RTN4: variants seen among roughly 807,000 people sequenced by gnomAD.
RTN4 encodes the protein reticulon-4.
In RTN4, 32 loss-of-function variants were observed where a neutral mutation model predicts 90.4. The observed-to-expected ratio is 0.35, with a 90% confidence interval of 0.27 to 0.48. RTN4 has a LOEUF of 0.48. RTN4 is among the 20% of genes least tolerant of loss of function. The pLI is 0.99. For missense variants in RTN4, 1,706 were observed against 1,430.2 expected (o/e 1.19, Z -3.11); for synonymous variants, 629 against 552.5 (o/e 1.14, Z -1.94).
chr2:55,033,495 A>T (rs758506894), intron 1 of RTN4, among the ~76,000 whole-genome samples: 6 of 152,176 alleles, frequency 3.9e-5, no homozygotes, highest in Non-Finnish European at 8.8e-5. Context: ...ACAAGTTCCC[A>T]GCTGAGATGG....
At chr2:55,069,917 G>A (rs1477168270) in intron 2 of RTN4, among the ~76,000 whole-genome samples, 1 of 152,180 alleles carries the variant, frequency 6.6e-6, no homozygotes, top group African/African-American at 2.4e-5. Context: ...GATGACAACT[G>A]GGGAAAGGAT....
intron 1 of RTN4, chr2:55,049,324 T>C (rs1320546894): frequency 4.0e-6 from 1 of 249,834 alleles, no homozygotes; most frequent in Non-Finnish European, 6.6e-6. Flanking sequence ...CCCAGACGGG[T>C]AGACAAAAGC....
intron 2 of RTN4, among the ~76,000 whole-genome samples, chr2:55,071,054 G>A (rs555763908): frequency 1.8e-3 from 267 of 150,842 alleles, no homozygotes; most frequent in Non-Finnish European, 1.9e-3. Context: ...GGGATTACAG[G>A]CGTGAGCCAC....
intron 3 of RTN4, among the ~76,000 whole-genome samples, chr2:54,990,455 G>C (rs1678912811): frequency 6.6e-6 from 1 of 152,172 alleles, no homozygotes; most frequent in South Asian, 2.1e-4. Flanking sequence ...TTTTTCATTA[G>C]TAAGATAATT....
chr2:55,045,957 T>A (rs1019297700), intron 1 of RTN4, among the ~76,000 whole-genome samples: 3 of 152,204 alleles, frequency 2.0e-5, no homozygotes, highest in Non-Finnish European at 4.4e-5. Context: ...TATTTTCCCA[T>A]GAAAAATGGC....
chr2:54,985,860 G>T (rs1340547945), intron 4 of RTN4, among the ~76,000 whole-genome samples: 1 of 152,086 alleles, frequency 6.6e-6, no homozygotes, highest in Non-Finnish European at 1.5e-5. Flanking sequence ...TTTTTCCTTT[G>T]TTTCCCCTAC....
chr2:55,058,588 G>A (rs1668232547), intron 2 of RTN4, among the ~76,000 whole-genome samples: 1 of 152,144 alleles, frequency 6.6e-6, no homozygotes, highest in Non-Finnish European at 1.5e-5. Context: ...CTCTTACTGT[G>A]TTAAGCCTGA....
chr2:55,132,168 A>G, the RTN4 span, among the ~76,000 whole-genome samples: 1 of 152,212 alleles, frequency 6.6e-6, no homozygotes, highest in Admixed American at 6.5e-5. Flanking sequence ...TGATGGGAAT[A>G]TGGGGATTCA....
At chr2:54,980,055 GTGTTACTTTC>G (rs751686377) in intron 5 of RTN4, among the ~76,000 whole-genome samples, 1 of 152,136 alleles carries the variant, frequency 6.6e-6, no homozygotes, top group Non-Finnish European at 1.5e-5. Context: ...GTCTCATCAT[GTGTTACTTTC>G]TGTTACTTTC....
At chr2:55,035,041 T>C (rs1682581551) in intron 1 of RTN4, among the ~76,000 whole-genome samples, 2 of 152,170 alleles carry the variant, frequency 1.3e-5, no homozygotes, top group South Asian at 4.1e-4. Flanking sequence ...TATAAAATCC[T>C]TGATTAATCC....
chr2:55,040,470 G>A (rs990456998), intron 1 of RTN4, among the ~76,000 whole-genome samples: 1 of 151,950 alleles, frequency 6.6e-6, no homozygotes, highest in Non-Finnish European at 1.5e-5. Flanking sequence ...CTCCATCTAC[G>A]GTTGTCAGGG....
intron 3 of RTN4, among the ~76,000 whole-genome samples, chr2:55,002,318 CA>C (rs1403550662): frequency 5.3e-5 from 8 of 152,202 alleles, no homozygotes; most frequent in Non-Finnish European, 1.0e-4. Context: ...TGTGGCCTCC[CA>C]AAGTGCTAGG....
chr2:55,099,184 A>G (rs999550363), intron 1 of RTN4, among the ~76,000 whole-genome samples: 4 of 152,114 alleles, frequency 2.6e-5, no homozygotes, highest in African/African-American at 9.7e-5. Context: ...TACAGTTCAT[A>G]TAAGGAAGGC....
chr2:55,049,581 C>T (rs1558854538), intron 1 of RTN4, 164 bp downstream of exon 1: 1 of 1,184,126 alleles, frequency 8.4e-7, no homozygotes. Context: ...GCCGCCCCAC[C>T]CTTCTCCCCG....
chr2:55,125,052 C>A, the RTN4 span, among the ~76,000 whole-genome samples: 1 of 151,992 alleles, frequency 6.6e-6, no homozygotes, highest in African/African-American at 2.4e-5. Context: ...ATACCATACA[C>A]AAAAATCAAT....
At chr2:55,074,815 T>TA (rs1668573978) in intron 2 of RTN4, among the ~76,000 whole-genome samples, 1 of 152,114 alleles carries the variant, frequency 6.6e-6, no homozygotes, top group African/African-American at 2.4e-5. Context: ...TAAACAGACT[T>TA]AAAAACAAAA....
intron 1 of RTN4, chr2:55,049,489 C>T: frequency 1.8e-6 from 1 of 549,616 alleles, no homozygotes; most frequent in Non-Finnish European, 3.3e-6. Context: ...GGGCATCACA[C>T]AGGGTGAAAG....
chr2:54,992,978 G>A (rs182330339), intron 3 of RTN4, among the ~76,000 whole-genome samples: 183 of 151,280 alleles, frequency 1.2e-3, no homozygotes, highest in African/African-American at 4.3e-3. Flanking sequence ...GGAGGCTGAG[G>A]CAGGAGAATG....
chr2:55,095,301 G>A (rs1669011123), intron 1 of RTN4, among the ~76,000 whole-genome samples: 1 of 151,648 alleles, frequency 6.6e-6, no homozygotes. Flanking sequence ...TCTAGTCTGG[G>A]CGACAGAGTG....
Sources: allele counts gnomAD v4.1 joint callset (sites outside exome capture counted in the v4.1 genomes callset), GRCh38; gene constraint gnomAD v4.1.1; transcripts MANE v1.5; gene names NCBI Gene and HGNC (gene_info 2026-07-23, HGNC 2026-07-21).